ROCK2: variants seen among roughly 807,000 people sequenced by gnomAD.
The protein encoded by ROCK2 is rho-associated protein kinase 2.
Under a neutral mutation model 195.1 loss-of-function variants are expected in ROCK2, and 61 were observed. The observed-to-expected ratio is 0.31, with a 90% CI of 0.25 to 0.39. ROCK2 has a LOEUF of 0.39. Among genes scored for constraint, ROCK2 ranks in the 10% least tolerant of loss-of-function variants. The pLI, the probability that ROCK2 is intolerant of heterozygous loss-of-function variation, is 1.00. For missense variants in ROCK2, 1,109 were observed against 1,637.4 expected (o/e 0.68, Z 5.57); for synonymous variants, 504 against 545.5 (o/e 0.92, Z 1.06).
intron 23 of ROCK2, 46 bp downstream of exon 23, chr2:11,200,911 T>G: frequency 6.6e-7 from 1 of 1,507,132 alleles, no homozygotes; most frequent in Non-Finnish European, 9.0e-7. Context: ...GTTTAAGATA[T>G]AGCAATTTAA....
At chr2:11,313,904 CTTA>C (rs1668113980) in intron 1 of ROCK2, among the ~76,000 whole-genome samples, 1 of 151,650 alleles carries the variant, frequency 6.6e-6, no homozygotes, top group Admixed American at 6.6e-5. Context: ...TTACTTTGTC[CTTA>C]TTATAAAAAC....
chr2:11,328,890 G>C (rs1668628976), intron 1 of ROCK2, among the ~76,000 whole-genome samples: 1 of 148,222 alleles, frequency 6.7e-6, no homozygotes, highest in African/African-American at 2.5e-5. Flanking sequence ...ACACAGGAAG[G>C]GGAACATCAC....
intron 3 of ROCK2, among the ~76,000 whole-genome samples, chr2:11,252,208 C>T (rs886611754): frequency 6.6e-6 from 1 of 151,854 alleles, no homozygotes; most frequent in Admixed American, 6.6e-5. Flanking sequence ...GTCAGGCGTT[C>T]GAGACCAGCC....
intron 32 of ROCK2, among the ~76,000 whole-genome samples, chr2:11,185,660 C>T (rs1261076485): frequency 1.3e-5 from 2 of 151,990 alleles, no homozygotes; most frequent in South Asian, 2.1e-4. Context: ...ATCCAGGAGG[C>T]GGAAGTTGTA....
At chr2:11,239,470 T>C (rs1305280923) in intron 4 of ROCK2, among the ~76,000 whole-genome samples, 1 of 152,190 alleles carries the variant, frequency 6.6e-6, no homozygotes, top group East Asian at 1.9e-4. Flanking sequence ...TTTGATAATG[T>C]CTTACAAAGT....
rs1666642817 is a variant in ROCK2, at chr2:11,271,876, C to T, written c.324+14663G>A. On this transcript the variant is annotated intron_variant, in intron 3 of 32. Transcript: ENST00000315872. ...CCCCGTCTCTACTAAAAAAATTAGC[C>T]GGGCGTGGTGGCGGGCACCTGTAGT... Among the ~76,000 whole-genome samples, 8 of 152,074 alleles carry T rather than the reference C, an allele frequency of 5.3e-5. 1 individual carries two copies. The South Asian group carries it at 6.2e-4, about 12-fold the overall frequency.
intron 23 of ROCK2, among the ~76,000 whole-genome samples, chr2:11,199,911 C>G (rs1663791901): frequency 6.6e-6 from 1 of 152,168 alleles, no homozygotes; most frequent in Admixed American, 6.5e-5. Flanking sequence ...AACTGTCATA[C>G]TACTTACTGT....
chr2:11,191,871 GT>G (rs1460284915), intron 32 of ROCK2, among the ~76,000 whole-genome samples: 4 of 152,182 alleles, frequency 2.6e-5, no homozygotes, highest in Non-Finnish European at 5.9e-5. Flanking sequence ...ACAATGTTAA[GT>G]GAGGATTTAT....
At chr2:11,238,238 G>GTGTGTGTGTGTGTGTC (rs937484823) in intron 4 of ROCK2, among the ~76,000 whole-genome samples, 4 of 151,308 alleles carry the variant, frequency 2.6e-5, no homozygotes, top group African/African-American at 9.8e-5. Context: ...GTGTGTGTGT[G>GTGTGTGTGTGTGTGTC]TGTCTGTTGT....
intron 3 of ROCK2, among the ~76,000 whole-genome samples, chr2:11,273,230 G>A (rs555013669): frequency 6.6e-6 from 1 of 151,414 alleles, no homozygotes; most frequent in East Asian, 1.9e-4. Context: ...GAGATTGGCA[G>A]AATGAATTAA....
Position 11,197,480 on chromosome 2 carries a change from T to G in ROCK2, c.3279+46A>C. 1 of 1,568,836 alleles carries G rather than the reference T, an allele frequency of 6.4e-7. No individual in the cohort carries two copies. The highest frequency in any genetic ancestry group is 1.4e-5 in the African/African-American group (1 of 73,056). ...AACACAGACATGAAAATAATTCTACTTCTTAAAAAGAAGTCTTCAGTCTAG... is the reference window on the plus strand; with the variant it reads ...AACACAGACATGAAAATAATTCTACGTCTTAAAAAGAAGTCTTCAGTCTAG... On this transcript the variant is annotated intron_variant, in intron 26 of 32. Coordinates refer to ENST00000315872, the MANE Select transcript of ROCK2 (RefSeq NM_004850.5). This position sits in a 1 kb window ranked among gnomAD's most constrained non-coding sequence, Gnocchi z 4.9.
intron 1 of ROCK2, among the ~76,000 whole-genome samples, chr2:11,324,352 G>C: frequency 6.6e-6 from 1 of 152,206 alleles, no homozygotes. Flanking sequence ...TTGAACCCAG[G>C]AGGCGGAGGT....
At chr2:11,229,240 T>C (rs1251191443) in intron 5 of ROCK2, among the ~76,000 whole-genome samples, 4 of 152,172 alleles carry the variant, frequency 2.6e-5, no homozygotes, top group African/African-American at 9.6e-5. Flanking sequence ...ACCATAATTT[T>C]TGGATAGCAT....
At chr2:11,208,234 A>AACCT in intron 19 of ROCK2, 53 bp downstream of exon 19, 1 of 748,658 alleles carries the variant, frequency 1.3e-6, no homozygotes, top group Non-Finnish European at 1.8e-6. Flanking sequence ...CTTCATGAAT[A>AACCT]AACCTATTAA....
At position 11,201,966 on chromosome 2, in the gene ROCK2, C is replaced by G. The variant is rs79833439; in HGVS notation, c.2619+86G>C. The G allele has an allele frequency of 3.6e-3, 3,504 of 986,916 alleles. 9 individuals carry two copies. Among genetic ancestry groups the G allele is most frequent in the Non-Finnish European group, 4.1e-3 (2,521 of 621,324 alleles). The allele number at this position is 986,916 out of a possible 1,614,324, so 61.1% of individuals were successfully genotyped here. A position where few individuals can be genotyped will look rare whatever the true frequency, so the allele number is the denominator to read the frequency against. On this transcript the variant is annotated intron_variant, in intron 21 of 32. Coordinates refer to ENST00000315872, the MANE Select transcript of ROCK2 (RefSeq NM_004850.5). This position sits in a 1 kb window ranked among gnomAD's most constrained non-coding sequence, Gnocchi z 4.6. ...ATCTACATTCTTTTGCCCAGCTGCT[C>G]TTTTTATATGAGTTGTATGGTATAA...
chr2:11,262,944 C>T (rs965444651), intron 3 of ROCK2, among the ~76,000 whole-genome samples: 1 of 151,732 alleles, frequency 6.6e-6, no homozygotes, highest in African/African-American at 2.4e-5. Context: ...CTTGACAGAC[C>T]TGGAGCAGTT....
intron 23 of ROCK2, among the ~76,000 whole-genome samples, chr2:11,199,596 G>A (rs1663778739): frequency 6.6e-6 from 1 of 151,784 alleles, no homozygotes. Context: ...CTCCAAAAGT[G>A]CTGCAATTAC....
intron 32 of ROCK2, among the ~76,000 whole-genome samples, chr2:11,191,071 TTC>T (rs1412474335): frequency 6.6e-6 from 1 of 152,198 alleles, no homozygotes; most frequent in Admixed American, 6.5e-5. Flanking sequence ...TGATTAGAAT[TTC>T]TGACAATACA....
intron 3 of ROCK2, among the ~76,000 whole-genome samples, chr2:11,255,466 G>GA (rs1158935864): frequency 6.7e-6 from 1 of 150,334 alleles, no homozygotes; most frequent in African/African-American, 2.5e-5. Flanking sequence ...TCATCATCAA[G>GA]AAAAAAGCAG....
Sources: gnomAD v4.1 joint callset for allele counts (sites outside exome capture counted in the v4.1 genomes callset) on GRCh38, gnomAD v4.1.1 for gene constraint, Gnocchi (gnomAD v3.1) non-coding constraint, MANE v1.5 for transcripts, NCBI Gene and HGNC (gene_info 2026-07-23, HGNC 2026-07-21) for gene names.